Variants in INTS1 observed in about 807,000 individuals in gnomAD.
INTS1 encodes the protein integrator complex subunit 1.
INTS1 carries 137 observed loss-of-function variants against 241.6 expected under a neutral mutation model. The ratio of observed to expected loss-of-function variants is 0.57; its 90% confidence interval spans 0.49 to 0.65. The LOEUF is 0.65. Ranked by LOEUF, INTS1 falls within the 30% of genes least tolerant of loss-of-function variation. INTS1 has a pLI of 0.00. For synonymous variants in INTS1, 1,692 were observed against 1,337.8 expected, an observed-to-expected ratio of 1.26 and a Z score of -5.78; for missense variants, 3,073 against 3,032.2, an observed-to-expected ratio of 1.01 and a Z score of -0.32.
At chr7:1,482,449 T>C in intron 27 of INTS1, 97 bp downstream of exon 27, 1 of 1,269,466 alleles carries the variant, frequency 7.9e-7, no homozygotes, top group East Asian at 2.4e-5. Context: ...TCTTCTCCTC[T>C]GCCACAGCCG....
Position 1,493,491 on chromosome 7 carries a change from A to C in INTS1, c.2068+263T>G, listed in dbSNP as rs748332769. Among the ~76,000 whole-genome samples the C allele has an allele frequency of 2.6e-5, 4 of 152,186 alleles. No homozygotes were observed. Among genetic ancestry groups the C allele is most frequent in the Non-Finnish European group, 5.9e-5 (4 of 68,020 alleles). Reference sequence around the variant, plus strand: ...CAGACAGGAAATCTGGCCGTGGCCAAATCACACCGAGAATGCCAATTCCAA... The same window carrying C: ...CAGACAGGAAATCTGGCCGTGGCCACATCACACCGAGAATGCCAATTCCAA... On this transcript the variant is annotated intron_variant, in intron 15 of 47. Transcript: ENST00000404767. This position sits in a 1 kb window ranked among gnomAD's most constrained non-coding sequence, Gnocchi z 5.3.
At chr7:1,489,484 T>C (rs1782446747) in intron 17 of INTS1, 80 bp from the exon 18 acceptor site, 1 of 1,548,282 alleles carries the variant, frequency 6.5e-7, no homozygotes, top group African/African-American at 1.4e-5. Context: ...CAGCTCCTCC[T>C]CTCATCCCCA....
rs1783267058 is a variant in INTS1 at position 1,502,995 on chromosome 7, A to AG, written c.254dup (p.Leu86SerfsTer9). The AG allele has an allele frequency of 6.2e-7, 1 of 1,613,614 alleles. No homozygotes were observed. The highest frequency in any genetic ancestry group is 8.5e-7 in the Non-Finnish European group (1 of 1,179,840). On this transcript the variant is annotated frameshift_variant, in exon 3 of 48. Transcript: ENST00000404767. LOFTEE classifies it high-confidence loss of function. ...CAGCCAGGCGCCCCAGGGCACTCAGAGGGGGTGTGGAGGAGAGTTTGGGGC... is the reference window on the plus strand; with the variant it reads ...CAGCCAGGCGCCCCAGGGCACTCAGAGGGGGGTGTGGAGGAGAGTTTGGGGC...
intron 11 of INTS1, among the ~76,000 whole-genome samples, chr7:1,496,827 C>G (rs917728124): frequency 6.6e-6 from 1 of 152,196 alleles, no homozygotes; most frequent in Non-Finnish European, 1.5e-5. Context: ...TCCAACCCAG[C>G]CAGGCAGCCC....
chr7:1,490,952 G>T (rs868215282), intron 16 of INTS1, among the ~76,000 whole-genome samples: 1 of 152,170 alleles, frequency 6.6e-6, no homozygotes, highest in Non-Finnish European at 1.5e-5. Context: ...AAACTTGGGC[G>T]CAACAGGCCA....
chr7:1,482,925 C>G, intron 26 of INTS1: 1 of 574,148 alleles, frequency 1.7e-6, no homozygotes, highest in South Asian at 2.2e-5. Flanking sequence ...AGGCAAGCAG[C>G]ATCACTGCCA....
In INTS1 at chr7:1,495,480, A is replaced by G; in HGVS notation, c.1785T>C (p.Thr595=). The part of the protein sequence containing the change: ...IQRDAVWWLH[T]VVPSISKLAP... Reference sequence around the variant, plus strand: ...CGAGCTTGCTGATGGAGGGGACCACAGTGTGGAGCCACCAGACGGCATCCC... The same window carrying G: ...CGAGCTTGCTGATGGAGGGGACCACGGTGTGGAGCCACCAGACGGCATCCC... The change falls in exon 13 of 48, where the codon ACT becomes ACC. Residue 595 remains threonine (T), a synonymous_variant. Transcript: ENST00000404767. 1.9e-6 allele frequency: 3 copies of G among 1,612,734 alleles called. No individual in the cohort carries two copies. Among genetic ancestry groups the G allele is most frequent in the Middle Eastern group, 1.7e-4 (1 of 6,054 alleles).
chr7:1,481,870 C>G lies in INTS1; in HGVS notation c.3704-382G>C, dbSNP rs901553105. On this transcript the variant is annotated intron_variant, in intron 27 of 47. Transcript: ENST00000404767. This position sits in a 1 kb window ranked among gnomAD's most constrained non-coding sequence, Gnocchi z 6.8. The stretch of plus-strand genomic sequence containing the variant: ...GACCACCTTGCACCCTGGATGGCAG[C>G]TGTGTGGGCCCCATCCCCAGGGGTG... 6.6e-6 allele frequency among the ~76,000 whole-genome samples: 1 copy of G among 152,056 alleles called. No individual in the cohort carries two copies. Among genetic ancestry groups the G allele is most frequent in the African/African-American group, 2.4e-5 (1 of 41,440 alleles).
At chr7:1,500,785 T>G in intron 3 of INTS1, 1 of 169,418 alleles carries the variant, frequency 5.9e-6, no homozygotes, top group Non-Finnish European at 1.3e-5. Flanking sequence ...CATGCCCTTC[T>G]TCCCACTTTT....
At position 1,477,859 on chromosome 7, in the gene INTS1, C is replaced by T; in HGVS notation, c.4708G>A (p.Ala1570Thr). 6.2e-7 allele frequency: 1 copy of T among 1,612,618 alleles called. No individual in the cohort carries two copies. Among genetic ancestry groups the T allele is most frequent in the Middle Eastern group, 1.7e-4 (1 of 6,060 alleles). Reference protein sequence around the residue: ...LTAFFSATADAASPFPACKPV... With the variant: ...LTAFFSATADTASPFPACKPV... ...TTACAGGCTGGAAACGGGGAGGCAG[C>T]ATCCGCAGTGGCAGAGAAGAATGCA... Residue 1570 changes from alanine to threonine, a missense_variant, in exon 34 of 48, where the codon GCT becomes ACT. By Grantham distance (58) the Ala-to-Thr change is moderately conservative. Transcript: ENST00000404767.
Position 1,497,440 on chromosome 7 carries a change from G to A in INTS1, c.1426-126C>T, listed in dbSNP as rs751295277. On this transcript the variant is annotated intron_variant, in intron 10 of 47. Transcript: ENST00000404767. This position sits in a 1 kb window ranked among gnomAD's most constrained non-coding sequence, Gnocchi z 5.3. ...CAGTGGGTCTCAGACAGTGTGGGGT[G>A]CGGGGTGGCGGGCTCCTTGCTCTAC... 1.2e-5 allele frequency: 11 copies of A among 902,466 alleles called. No homozygotes were observed. The highest frequency in any genetic ancestry group is 3.5e-4 in the Middle Eastern group (1 of 2,848). 55.9% of individuals were successfully genotyped at this position (902,466 alleles called of 1,614,324 possible).
Position 1,486,978 on chromosome 7 carries a change from A to T in INTS1, c.2770T>A (p.Ser924Thr). The stretch of plus-strand genomic sequence containing the variant: ...TCGCCCTCGTCGTCCTCCTCCCCGG[A>T]AGCAGCATCGTCCACAGCATCGTGC... Reference protein sequence around the residue: ...LLHDAVDDAASGEEDDEGESK... With the variant: ...LLHDAVDDAATGEEDDEGESK... Residue 924 changes from serine (S) to threonine (T), a missense_variant, in exon 21 of 48, where the codon TCC becomes ACC. Physicochemically the swap from Ser to Thr is moderately conservative, Grantham distance 58 (BLOSUM62 1). Transcript: ENST00000404767. 6.2e-7 allele frequency: 1 copy of T among 1,608,356 alleles called. No individual in the cohort carries two copies.
chr7:1,503,497 A>T (rs1783301931), intron 2 of INTS1, among the ~76,000 whole-genome samples: 1 of 152,188 alleles, frequency 6.6e-6, no homozygotes, highest in African/African-American at 2.4e-5. Flanking sequence ...TACAAGAGAG[A>T]AAGGGACACA....
In INTS1 at chr7:1,480,908, G is replaced by C; in HGVS notation, c.3876C>G (p.Val1292=). The C allele has an allele frequency of 1.3e-6, 2 of 1,569,498 alleles. No homozygotes were observed. Among genetic ancestry groups the C allele is most frequent in the Non-Finnish European group, 1.7e-6 (2 of 1,158,474 alleles). ...CTCCGGAGGCGCCGCGCTCATGCTG[G>C]ACCTCCACCAGGTGGGCCATGTAAT... ...DKNYMAHLVE[V]QHERGASGGQ... Residue 1292 remains valine (V), a synonymous_variant, in exon 29 of 48, where the codon GTC becomes GTG. Coordinates refer to ENST00000404767, the MANE Select transcript of INTS1 (RefSeq NM_001080453.3).
chr7:1,476,066 A>G lies in INTS1; in HGVS notation c.5384T>C (p.Leu1795Pro). The change falls in exon 39 of 48, where the codon CTG becomes CCG. Residue 1795 changes from leucine to proline, a missense_variant. By Grantham distance (98) the Leu-to-Pro change is moderately conservative. Transcript: ENST00000404767. ...GCIQQWGDSV[L>P]GRRCRDLLLQ... ...GAGAAGGTCTCGGCAGCGCCTGCCC[A>G]GCACGCTGGAAGAGGTGGAGCAGGG... 2 of 1,542,730 alleles carry G rather than the reference A, an allele frequency of 1.3e-6. No homozygotes were observed. Among genetic ancestry groups the G allele is most frequent in the Non-Finnish European group, 1.7e-6 (2 of 1,146,006 alleles).
intron 13 of INTS1, among the ~76,000 whole-genome samples, chr7:1,495,190 C>T (rs1454302805): frequency 2.6e-5 from 4 of 152,346 alleles, no homozygotes; most frequent in Admixed American, 6.5e-5. Context: ...AGAGGCTCCA[C>T]GGGAGGCTCC....
At chr7:1,485,647 C>T in intron 22 of INTS1, 178 bp from the exon 23 acceptor site, 1 of 657,448 alleles carries the variant, frequency 1.5e-6, no homozygotes, top group Non-Finnish European at 2.5e-6. Context: ...CTGTTAAATG[C>T]TTCTGTTCAA....
Position 1,476,384 on chromosome 7 carries a change from G to A in INTS1, c.5223C>T (p.Ala1741=), listed in dbSNP as rs766358728. 129 of 1,577,142 alleles carry A rather than the reference G, an allele frequency of 8.2e-5. No individual in the cohort carries two copies. The highest frequency in any genetic ancestry group is 1.1e-4 in the Non-Finnish European group (124 of 1,166,746). ...ELISLVELIL[A]EAETRSQDGD... is the part of the protein sequence containing the mutation. Reference sequence around the variant, plus strand: ...CGTCCTGGCTCCGCGTCTCCGCCTCGGCCAGGATCAGCTCCACCAGGCTGA... The same window carrying A: ...CGTCCTGGCTCCGCGTCTCCGCCTCAGCCAGGATCAGCTCCACCAGGCTGA... The change falls in exon 38 of 48, where the codon GCC becomes GCT. Residue 1741 remains alanine (A), a synonymous_variant. Transcript: ENST00000404767.
At chr7:1,474,395 C>T (rs778337184) in intron 40 of INTS1, 35 bp from the exon 41 acceptor site, 18 of 1,545,898 alleles carry the variant, frequency 1.2e-5, no homozygotes, top group Admixed American at 1.8e-5. Flanking sequence ...CAGCCCCGGC[C>T]GGCGGGCTCA....
Sources: gnomAD v4.1 joint callset for allele counts (sites outside exome capture counted in the v4.1 genomes callset) on GRCh38, gnomAD v4.1.1 for gene constraint, Gnocchi (gnomAD v3.1) non-coding constraint, MANE v1.5 for transcripts, NCBI Gene and HGNC (gene_info 2026-07-23, HGNC 2026-07-21) for gene names.